GGT5: variants seen among roughly 807,000 people sequenced by gnomAD.
GGT5 encodes glutathione hydrolase 5 proenzyme.
A neutral mutation model predicts 58.1 loss-of-function variants in GGT5; 50 were observed. The observed-to-expected ratio is 0.86, with a 90% CI of 0.69 to 1.09. GGT5 has a LOEUF of 1.09. GGT5 is among the 50% of genes least tolerant of loss of function. The pLI is 0.00. For missense variants in GGT5, 800 were observed against 789.4 expected (o/e 1.01, Z -0.16); for synonymous variants, 370 against 346.1 (o/e 1.07, Z -0.77).
At chr22:24,222,418 C>T (rs1218958957) in intron 11 of GGT5, among the ~76,000 whole-genome samples, 1 of 152,144 alleles carries the variant, frequency 6.6e-6, no homozygotes, top group African/African-American at 2.4e-5. Flanking sequence ...AGATCCTTTA[C>T]TGCTGAAGCC....
chr22:24,238,476 A>C (rs1226953126), intron 1 of GGT5, among the ~76,000 whole-genome samples: 3 of 150,770 alleles, frequency 2.0e-5, no homozygotes, highest in Non-Finnish European at 4.4e-5. Flanking sequence ...TGGAGGTTGC[A>C]GTGAGCAGAT....
chr22:24,237,003 C>G (rs1421857029), intron 1 of GGT5, among the ~76,000 whole-genome samples: 1 of 139,826 alleles, frequency 7.2e-6, no homozygotes, highest in African/African-American at 2.6e-5. Flanking sequence ...TTTTTCTTTT[C>G]TCTCTTTTTT....
Position 24,232,985 on chromosome 22 carries a change from C to T in GGT5, c.434G>A (p.Arg145His), listed in dbSNP as rs1307686843. ...GCGGCGGTGGGCCTCGGCATAGCCA[C>T]GGAGCTCCCCGGGCACCCCGATCCA... ...AQWIGVPGEL[R>H]GYAEAHRRHG... is the part of the protein sequence containing the mutation. The change falls in exon 4 of 12, where the codon CGT (arginine) becomes CAT (histidine). Residue 145 changes from arginine (R) to histidine (H), a missense_variant. Coordinates refer to ENST00000327365, the MANE Select transcript of GGT5 (RefSeq NM_004121.5). 8 of 1,554,994 alleles carry T rather than the reference C, an allele frequency of 5.1e-6. No individual in the cohort carries two copies. The highest frequency in any genetic ancestry group is 2.4e-5 in the East Asian group (1 of 41,766).
At chr22:24,228,568 A>G (rs1022055588) in intron 6 of GGT5, among the ~76,000 whole-genome samples, 2 of 151,310 alleles carry the variant, frequency 1.3e-5, no homozygotes, top group African/African-American at 4.9e-5. Context: ...CTCCTGCCTC[A>G]GCCTCCCAAG....
In GGT5 at chr22:24,226,830, C is replaced by G. The variant is rs887541040; in HGVS notation, c.902-63G>C. 3.7e-6 allele frequency: 5 copies of G among 1,361,796 alleles called. No homozygotes were observed. In the African/African-American group the frequency reaches 7.2e-5, roughly 19 times the overall value. The allele number at this position is 1,361,796 out of a possible 1,614,324, so 84.4% of individuals were successfully genotyped here. A position where few individuals can be genotyped will look rare whatever the true frequency, so the allele number is the denominator to read the frequency against. ...CCTATGTAATGGGTTGAATGTTGCC[C>G]CCACCCCCCACCACAGAAAGATCCA... On this transcript the variant is annotated intron_variant, in intron 6 of 11. Transcript: ENST00000327365.
At chr22:24,233,434 G>A (rs982981154) in intron 3 of GGT5, 64 bp downstream of exon 3, 1 of 881,674 alleles carries the variant, frequency 1.1e-6, no homozygotes, top group Non-Finnish European at 1.8e-6. Context: ...CTCCTTTGCG[G>A]GGGTGTTCTG....
rs752870896 is a variant in GGT5 at position 24,232,829 on chromosome 22, G to A, written c.590C>T (p.Thr197Ile). 2 of 1,528,664 alleles carry A rather than the reference G, an allele frequency of 1.3e-6. No individual in the cohort carries two copies. Among genetic ancestry groups the A allele is most frequent in the Non-Finnish European group, 1.8e-6 (2 of 1,132,506 alleles). The allele number at this position is 1,528,664 out of a possible 1,614,324, so 94.7% of individuals were successfully genotyped here. ...SILRPSLQASTLRQLFFNGTE... is the reference protein window; with the variant it reads ...SILRPSLQASILRQLFFNGTE... ...GCCACCATGTGGGGCTCACCGCAGG[G>A]TTGACGCCTGCAAGGAAGGCCGCAG... The change falls in exon 4 of 12, where the codon ACC becomes ATC. Residue 197 changes from threonine (T) to isoleucine (I), a missense_variant. Thr to Ile is a moderately conservative substitution (Grantham distance 89). Transcript: ENST00000327365.
chr22:24,244,639 G>T lies in GGT5; in HGVS notation c.87C>A (p.Leu29=). The part of the protein sequence containing the change: ...ALAVIVLAVV[L]SRHQAPCGPQ... ...GGCCACATGGGGCCTGGTGTCGAGAGAGGACCACAGCCAGCACAATGACAG... is the reference window on the plus strand; with the variant it reads ...GGCCACATGGGGCCTGGTGTCGAGATAGGACCACAGCCAGCACAATGACAG... Residue 29 remains leucine, a synonymous_variant, in exon 1 of 12, where the codon CTC becomes CTA. Coordinates refer to ENST00000327365, the MANE Select transcript of GGT5 (RefSeq NM_004121.5). 6.2e-7 allele frequency: 1 copy of T among 1,612,916 alleles called. No homozygotes were observed. Among genetic ancestry groups the T allele is most frequent in the South Asian group, 1.1e-5 (1 of 91,032 alleles).
chr22:24,219,785 AG>A lies in GGT5; in HGVS notation c.*184del. ...TCAGGACCACCAGGGGCTCTGGGAA[AG>A]GGGGTTAGGGATGAGGCTCAGCCTC... On this transcript the variant is annotated 3_prime_UTR_variant, in exon 12 of 12. Coordinates refer to ENST00000327365, the MANE Select transcript of GGT5 (RefSeq NM_004121.5). 2 of 600,496 alleles carry A rather than the reference AG, an allele frequency of 3.3e-6. No individual in the cohort carries two copies. The highest frequency in any genetic ancestry group is 3.0e-5 in the Admixed American group (1 of 33,044). The allele number at this position is 600,496 out of a possible 1,614,324, so 37.2% of individuals were successfully genotyped here. A position where few individuals can be genotyped will look rare whatever the true frequency, so the allele number is the denominator to read the frequency against.
chr22:24,225,648 C>A lies in GGT5; in HGVS notation c.1234G>T (p.Gly412Ter). The A allele has an allele frequency of 6.2e-7, 1 of 1,604,204 alleles. No homozygotes were observed. ...AATSTINTPF[G>*]AMVYSPRTGI... ...GTCCGTGGTGAATACACCATCGCTCCAAAGCTGCAGCCGTGGAGGCAGAAG... is the reference window on the plus strand; with the variant it reads ...GTCCGTGGTGAATACACCATCGCTCAAAAGCTGCAGCCGTGGAGGCAGAAG... Residue 412 changes from glycine to a stop codon, truncating the protein, a stop_gained, in exon 9 of 12, where the codon GGA becomes TGA. Coordinates refer to ENST00000327365, the MANE Select transcript of GGT5 (RefSeq NM_004121.5). LOFTEE classifies it high-confidence loss of function.
chr22:24,227,332 C>T (rs988652038), intron 6 of GGT5, among the ~76,000 whole-genome samples: 4 of 150,522 alleles, frequency 2.7e-5, no homozygotes, highest in Admixed American at 6.6e-5. Context: ...CTGCAATCTC[C>T]ACCTCCTGGG....
At position 24,232,971 on chromosome 22, in the gene GGT5, C is replaced by T. The variant is rs763199111; in HGVS notation, c.448G>A (p.Ala150Thr). Reference sequence around the variant, plus strand: ...GGCAGGCGGCCATGGCGGCGGTGGGCCTCGGCATAGCCACGGAGCTCCCCG... The same window carrying T: ...GGCAGGCGGCCATGGCGGCGGTGGGTCTCGGCATAGCCACGGAGCTCCCCG... ...VPGELRGYAE[A>T]HRRHGRLPWA... The change falls in exon 4 of 12, where the codon GCC becomes ACC. Residue 150 changes from alanine (A) to threonine (T), a missense_variant. Physicochemically the swap from Ala to Thr is moderately conservative, Grantham distance 58. Transcript: ENST00000327365. 1 of 1,562,166 alleles carries T rather than the reference C, an allele frequency of 6.4e-7. No individual in the cohort carries two copies. The highest frequency in any genetic ancestry group is 8.7e-7 in the Non-Finnish European group (1 of 1,153,854).
Position 24,232,891 on chromosome 22 carries a change from C to T in GGT5, c.528G>A (p.Val176=), listed in dbSNP as rs778836094. ...TIALLRGGHV[V]APVLSRFLHN... is the part of the protein sequence containing the mutation. Reference sequence around the variant, plus strand: ...GCAGGAAACGGCTGAGGACAGGGGCCACCACATGCCCCCCTCGGAGCAGCG... The same window carrying T: ...GCAGGAAACGGCTGAGGACAGGGGCTACCACATGCCCCCCTCGGAGCAGCG... The change falls in exon 4 of 12, where the codon GTG becomes GTA. Residue 176 remains valine (V), a synonymous_variant. Transcript: ENST00000327365. 1.3e-6 allele frequency: 2 copies of T among 1,585,132 alleles called. No homozygotes were observed. Among genetic ancestry groups the T allele is most frequent in the Non-Finnish European group, 1.7e-6 (2 of 1,165,072 alleles).
chr22:24,238,572 C>T (rs189390067), intron 1 of GGT5, among the ~76,000 whole-genome samples: 350 of 142,276 alleles, frequency 2.5e-3, no homozygotes, highest in Non-Finnish European at 4.4e-3. Flanking sequence ...GGCGTGGTGG[C>T]TCATGCCTGG....
At chr22:24,239,193 G>T (rs2048260535) in intron 1 of GGT5, among the ~76,000 whole-genome samples, 1 of 150,448 alleles carries the variant, frequency 6.6e-6, no homozygotes, top group African/African-American at 2.4e-5. Context: ...CAAAAAATTA[G>T]CCAGGCGTGG....
intron 1 of GGT5, among the ~76,000 whole-genome samples, chr22:24,238,247 AG>A (rs1569370491): frequency 6.9e-6 from 1 of 145,310 alleles, no homozygotes; most frequent in Non-Finnish European, 1.5e-5. Context: ...AAAAAAAAAA[AG>A]GCCAGGCGCG....
Position 24,226,672 on chromosome 22 carries a change from T to G in GGT5, c.997A>C (p.Arg333=). Residue 333 remains arginine (R), a synonymous_variant, in exon 7 of 12, where the codon AGG becomes CGG. Transcript: ENST00000327365. ...CTTCGAGGGTCCCCCAGCCTCCACCTCTGCCCCTTGGCAAACTTGAGCGTC... is the reference window on the plus strand; with the variant it reads ...CTTCGAGGGTCCCCCAGCCTCCACCGCTGCCCCTTGGCAAACTTGAGCGTC... ...VETLKFAKGQ[R]WRLGDPRSHP... The G allele has an allele frequency of 6.2e-7, 1 of 1,614,064 alleles. No individual in the cohort carries two copies. The highest frequency in any genetic ancestry group is 8.5e-7 in the Non-Finnish European group (1 of 1,179,966).
chr22:24,233,015 GC>G lies in GGT5; in HGVS notation c.403del (p.Ala135ProfsTer75). Reference protein sequence around the residue: ...CAQALPLGTGAQWIGVPGELR... With the variant: ...CAQALPLGTGXQWIGVPGELR... ...CTCCCCGGGCACCCCGATCCACTGGGCCCCTGCATGGCACATCCCAGCTCTC... is the reference window on the plus strand; with the variant it reads ...CTCCCCGGGCACCCCGATCCACTGGGCCCTGCATGGCACATCCCAGCTCTC... On this transcript the variant is annotated frameshift_variant and splice_region_variant, in exon 4 of 12. Coordinates refer to ENST00000327365, the MANE Select transcript of GGT5 (RefSeq NM_004121.5). LOFTEE classifies it high-confidence loss of function. 1.3e-6 allele frequency: 2 copies of G among 1,527,128 alleles called. No homozygotes were observed. Among genetic ancestry groups the G allele is most frequent in the Non-Finnish European group, 1.8e-6 (2 of 1,134,434 alleles). The allele number at this position is 1,527,128 out of a possible 1,614,324, so 94.6% of individuals were successfully genotyped here.
intron 1 of GGT5, among the ~76,000 whole-genome samples, chr22:24,238,829 ATATTTATATATATATAT>A (rs2048206373): frequency 8.0e-5 from 1 of 12,554 alleles, no homozygotes; most frequent in Non-Finnish European, 1.2e-4. Context: ...ATATATATAT[ATATTTATATATATATAT>A]TATATATATT....
Sources: gnomAD v4.1 joint callset for allele counts (sites outside exome capture counted in the v4.1 genomes callset) on GRCh38, gnomAD v4.1.1 for gene constraint, MANE v1.5 for transcripts, NCBI Gene and HGNC (gene_info 2026-07-23, HGNC 2026-07-21) for gene names.